Variants in SHROOM3 observed in about 807,000 individuals in gnomAD.
The protein encoded by SHROOM3 is protein Shroom3.
Under a neutral mutation model 138.6 loss-of-function variants are expected in SHROOM3, and 47 were observed. The observed-to-expected ratio is 0.34, with a 90% CI of 0.27 to 0.43. The LOEUF (loss-of-function observed/expected upper bound fraction) is 0.43. Ranked by LOEUF, SHROOM3 falls within the 20% of genes least tolerant of loss-of-function variation. The pLI is 1.00. For missense variants in SHROOM3, 2,491 were observed against 2,596.5 expected (o/e 0.96, Z 0.88); for synonymous variants, 1,062 against 1,063.3 (o/e 1.00, Z 0.02).
chr4:76,572,019 C>T (rs61628521), intron 2 of SHROOM3, among the ~76,000 whole-genome samples: 6,438 of 152,182 alleles, frequency 0.042, 452 homozygotes, highest in African/African-American at 0.14. Flanking sequence ...CTCCATACTG[C>T]GCCCCCCAGC....
At chr4:76,474,534 G>C (rs971526571) in intron 1 of SHROOM3, among the ~76,000 whole-genome samples, 1 of 152,118 alleles carries the variant, frequency 6.6e-6, no homozygotes, top group African/African-American at 2.4e-5. Flanking sequence ...TGTACAAAGA[G>C]AGTAATGGGA....
intron 2 of SHROOM3, among the ~76,000 whole-genome samples, chr4:76,588,746 G>C (rs1351736091): frequency 6.6e-6 from 1 of 151,938 alleles, no homozygotes. Flanking sequence ...GCTGAGTTTG[G>C]GTAGCCCTAG....
rs926890079 is a variant in SHROOM3 at position 76,489,053 on chromosome 4, G to T, written c.168+52833G>T. On this transcript the variant is annotated intron_variant, in intron 1 of 10. Transcript: ENST00000296043. ...GTGCCTAGCCAGGGCTCTGGAGGAA[G>T]CAGGCAGGGCAGGGCCCAGGTCCCT... Among the ~76,000 whole-genome samples the T allele has an allele frequency of 3.3e-5, 5 of 152,196 alleles. No individual in the cohort carries two copies. The South Asian group carries it at 8.3e-4, about 25-fold the overall frequency.
intron 2 of SHROOM3, among the ~76,000 whole-genome samples, chr4:76,618,852 G>T (rs1259089286): frequency 5.3e-5 from 8 of 152,106 alleles, no homozygotes; most frequent in Non-Finnish European, 1.0e-4. Flanking sequence ...CCCAGGCCTG[G>T]TATTGTATTT....
At position 76,730,911 on chromosome 4, in the gene SHROOM3, C is replaced by T; in HGVS notation, c.563C>T (p.Pro188Leu). 6.2e-7 allele frequency: 1 copy of T among 1,614,122 alleles called. No homozygotes were observed. The highest frequency in any genetic ancestry group is 8.5e-7 in the Non-Finnish European group (1 of 1,179,998). ...ATATCTCAGGGTATGATCGGCCCTC[C>T]TTGGCACCAAAGCTACCATTCCAGG... is the stretch of plus-strand genomic sequence containing the variant. ...MQISQGMIGPPWHQSYHSSSS... is the reference protein window; with the variant it reads ...MQISQGMIGPLWHQSYHSSSS... Residue 188 changes from proline to leucine, a missense_variant, in exon 4 of 11, where the codon CCT (proline) becomes CTT (leucine). By Grantham distance (98) the Pro-to-Leu change is moderately conservative. Transcript: ENST00000296043.
intron 3 of SHROOM3, among the ~76,000 whole-genome samples, chr4:76,715,550 C>G (rs747271117): frequency 2.0e-5 from 3 of 152,170 alleles, no homozygotes; most frequent in African/African-American, 7.2e-5. Context: ...TTTTCCAAGC[C>G]GATGCTTTTC....
chr4:76,771,810 A>G (rs537071271), intron 10 of SHROOM3, among the ~76,000 whole-genome samples: 4 of 152,276 alleles, frequency 2.6e-5, no homozygotes, highest in Admixed American at 6.5e-5. Context: ...CACCGCATTG[A>G]ACAGAATTCC....
chr4:76,676,944 C>CAAAAAAAAAAAAAAAAAAAAAA (rs58270392), intron 2 of SHROOM3, among the ~76,000 whole-genome samples: 5 of 79,044 alleles, frequency 6.3e-5, no homozygotes, highest in African/African-American at 2.8e-4. Flanking sequence ...CTCCGTCTCA[C>CAAAAAAAAAAAAAAAAAAAAAA]AAAAAAAAAA....
At chr4:76,731,991 C>T (rs547501758) in intron 4 of SHROOM3, among the ~76,000 whole-genome samples, 1 of 152,208 alleles carries the variant, frequency 6.6e-6, no homozygotes, top group South Asian at 2.1e-4. Flanking sequence ...GGAGAGCCCT[C>T]ACAAGTGGTT....
intron 1 of SHROOM3, among the ~76,000 whole-genome samples, chr4:76,552,198 T>A (rs1389972745): frequency 6.7e-6 from 1 of 150,106 alleles, no homozygotes; most frequent in African/African-American, 2.4e-5. Flanking sequence ...TAAAAGCTAT[T>A]TTATATATAT....
At chr4:76,546,659 T>C (rs1733226345) in intron 1 of SHROOM3, among the ~76,000 whole-genome samples, 3 of 152,230 alleles carry the variant, frequency 2.0e-5, no homozygotes, top group African/African-American at 7.2e-5. Flanking sequence ...CGTCTTTTGT[T>C]ATCCACCTAC....
intron 2 of SHROOM3, among the ~76,000 whole-genome samples, chr4:76,590,909 C>G (rs1401193637): frequency 6.6e-6 from 1 of 152,074 alleles, no homozygotes; most frequent in African/African-American, 2.4e-5. Context: ...CTTTATATGC[C>G]TGGCTATTTA....
At chr4:76,540,501 G>A (rs1448534797) in intron 1 of SHROOM3, among the ~76,000 whole-genome samples, 1 of 152,118 alleles carries the variant, frequency 6.6e-6, no homozygotes, top group Admixed American at 6.5e-5. Context: ...TAATTCATGA[G>A]GTCAAAATCA....
chr4:76,637,815 G>A (rs1213589335), intron 2 of SHROOM3, among the ~76,000 whole-genome samples: 2 of 152,176 alleles, frequency 1.3e-5, no homozygotes, highest in Non-Finnish European at 2.9e-5. Flanking sequence ...CAAAACCAAG[G>A]ACTCCAGTCT....
intron 2 of SHROOM3, among the ~76,000 whole-genome samples, chr4:76,612,125 T>G (rs544883491): frequency 6.6e-6 from 1 of 152,290 alleles, no homozygotes; most frequent in South Asian, 2.1e-4. Flanking sequence ...AATTCTGCCT[T>G]TTGATTTGGA....
chr4:76,517,266 C>A (rs1383846973), intron 1 of SHROOM3, among the ~76,000 whole-genome samples: 1 of 152,200 alleles, frequency 6.6e-6, no homozygotes, highest in Non-Finnish European at 1.5e-5. Context: ...CAGGAACTAA[C>A]AAGTCACCCC....
intron 1 of SHROOM3, among the ~76,000 whole-genome samples, chr4:76,543,357 A>G (rs1733145652): frequency 6.6e-6 from 1 of 152,094 alleles, no homozygotes; most frequent in African/African-American, 2.4e-5. Flanking sequence ...TCCTGGAGGT[A>G]TATGAGAGTG....
At chr4:76,637,312 A>T (rs1036459911) in intron 2 of SHROOM3, among the ~76,000 whole-genome samples, 4 of 152,250 alleles carry the variant, frequency 2.6e-5, no homozygotes, top group African/African-American at 9.6e-5. Context: ...CAGATGCAAT[A>T]GGCACAGGCT....
Position 76,631,824 on chromosome 4 carries a change from A to G in SHROOM3, c.323+76061A>G, listed in dbSNP as rs569995707. ...TTTTTTTGAGGAAATAGAGTCAATG[A>G]GGGAAAAAGTCGAAGCAGAGAGGGA... On this transcript the variant is annotated intron_variant, in intron 2 of 10. Transcript: ENST00000296043. 1.4e-4 allele frequency among the ~76,000 whole-genome samples: 22 copies of G among 152,344 alleles called. 2 individuals are homozygous for G. In the South Asian group the frequency reaches 4.3e-3, roughly 30 times the overall value.
Sources: allele counts gnomAD v4.1 joint callset (sites outside exome capture counted in the v4.1 genomes callset), GRCh38; gene constraint gnomAD v4.1.1; transcripts MANE v1.5; gene names NCBI Gene and HGNC (gene_info 2026-07-23, HGNC 2026-07-21).